ALDH18A1: variants seen among roughly 807,000 people sequenced by gnomAD.
The protein encoded by ALDH18A1 is delta-1-pyrroline-5-carboxylate synthase.
ALDH18A1 carries 44 observed loss-of-function variants against 88.8 expected under a neutral mutation model. That is an observed-to-expected ratio of 0.50 (90% CI 0.39 to 0.64). The LOEUF (loss-of-function observed/expected upper bound fraction) is 0.64, where lower values mean the gene tolerates loss of function less well. Among genes scored for constraint, ALDH18A1 ranks in the 30% least tolerant of loss-of-function variants. The pLI is 0.00. For synonymous variants in ALDH18A1, 331 were observed against 372.1 expected (o/e 0.89, Z 1.27); for missense variants, 782 against 1,009.5 (o/e 0.77, Z 3.05).
In ALDH18A1 at chr10:95,613,723, A is replaced by G; in HGVS notation, c.1923+19T>C. 6.2e-7 allele frequency: 1 copy of G among 1,614,000 alleles called. No individual in the cohort carries two copies. The highest frequency in any genetic ancestry group is 8.5e-7 in the Non-Finnish European group (1 of 1,179,884). Reference sequence around the variant, plus strand: ...CTTCTAAGACAGGAAGTAATGTACTAGTCCTATGGAACTCTTACCTGTTCC... The same window carrying G: ...CTTCTAAGACAGGAAGTAATGTACTGGTCCTATGGAACTCTTACCTGTTCC... On this transcript the variant is annotated intron_variant, in intron 15 of 17. Coordinates refer to ENST00000371224, the MANE Select transcript of ALDH18A1 (RefSeq NM_002860.4).
intron 11 of ALDH18A1, 84 bp from the exon 12 acceptor site, chr10:95,621,335 T>G: frequency 8.0e-7 from 1 of 1,244,222 alleles, no homozygotes; most frequent in South Asian, 1.3e-5. Context: ...TTTTTTTTTT[T>G]TTGAGACAGG....
intron 17 of ALDH18A1, among the ~76,000 whole-genome samples, chr10:95,609,372 C>T (rs1207774533): frequency 8.5e-5 from 13 of 152,210 alleles, no homozygotes; most frequent in South Asian, 2.1e-4. Context: ...CTTAGGCCCA[C>T]GGCACCTTCT....
Position 95,633,506 on chromosome 10 carries a change from G to T in ALDH18A1, c.702C>A (p.Asp234Glu). 1 of 1,614,098 alleles carries T rather than the reference G, an allele frequency of 6.2e-7. No homozygotes were observed. Among genetic ancestry groups the T allele is most frequent in the Non-Finnish European group, 8.5e-7 (1 of 1,180,024 alleles). ...AVVPPAEPNS[D>E]LQGVNVISVK... Reference sequence around the variant, plus strand: ...CTTTACCCACATTTACCCCCTGCAGGTCACTGTTGGGCTCAGCTGGGGGGA... The same window carrying T: ...CTTTACCCACATTTACCCCCTGCAGTTCACTGTTGGGCTCAGCTGGGGGGA... Residue 234 changes from aspartate to glutamate, a missense_variant, in exon 6 of 18, where the codon GAC becomes GAA. Transcript: ENST00000371224.
chr10:95,606,661 A>AC lies in ALDH18A1; in HGVS notation c.*100dup, dbSNP rs2097823282. ...TCCAGGTACACTTTCCAACAGGCAG[A>AC]CCCTACCAGGAACTGGGAGACAAGA... is the stretch of plus-strand genomic sequence containing the variant. On this transcript the variant is annotated 3_prime_UTR_variant, in exon 18 of 18. Transcript: ENST00000371224. 49 of 1,610,154 alleles carry AC rather than the reference A, an allele frequency of 3.0e-5. No individual in the cohort carries two copies. Among genetic ancestry groups the AC allele is most frequent in the Non-Finnish European group, 4.1e-5 (48 of 1,179,596 alleles).
intron 2 of ALDH18A1, among the ~76,000 whole-genome samples, chr10:95,650,305 G>T (rs1412874248): frequency 2.6e-5 from 4 of 152,172 alleles, no homozygotes; most frequent in Non-Finnish European, 5.9e-5. Context: ...ATGAGACTGG[G>T]AGAAAACATT....
At chr10:95,623,162 T>A (rs1361974705) in intron 11 of ALDH18A1, among the ~76,000 whole-genome samples, 1 of 152,098 alleles carries the variant, frequency 6.6e-6, no homozygotes, top group Non-Finnish European at 1.5e-5. Context: ...TTTCCCCATA[T>A]GCTAAAAAAA....
At position 95,606,798 on chromosome 10, in the gene ALDH18A1, A is replaced by G; in HGVS notation, c.2352T>C (p.His784=). ...FSEHGSLKYL[H]ENLPIPQRNT... is the part of the protein sequence containing the mutation. ...TTCTCTGAGGAATAGGGAGGTTCTCATGAAGATATTTTAAACTTCCATGCT... is the reference window on the plus strand; with the variant it reads ...TTCTCTGAGGAATAGGGAGGTTCTCGTGAAGATATTTTAAACTTCCATGCT... Residue 784 remains histidine (H), a synonymous_variant, in exon 18 of 18, where the codon CAT becomes CAC. Transcript: ENST00000371224. 3 of 1,613,988 alleles carry G rather than the reference A, an allele frequency of 1.9e-6. No homozygotes were observed. The highest frequency in any genetic ancestry group is 2.5e-6 in the Non-Finnish European group (3 of 1,179,880).
chr10:95,645,134 G>C (rs914172401), intron 2 of ALDH18A1, among the ~76,000 whole-genome samples: 2 of 152,198 alleles, frequency 1.3e-5, no homozygotes, highest in African/African-American at 2.4e-5. Flanking sequence ...CAATCAGTGG[G>C]GGGTAGAGGA....
chr10:95,612,583 C>A (rs1169819034), intron 15 of ALDH18A1, among the ~76,000 whole-genome samples: 2 of 152,174 alleles, frequency 1.3e-5, no homozygotes, highest in Non-Finnish European at 2.9e-5. Flanking sequence ...GCAAGTCATC[C>A]TTCTAGCTTT....
chr10:95,616,734 A>T, intron 12 of ALDH18A1, 120 bp from the exon 13 acceptor site: 1 of 1,299,464 alleles, frequency 7.7e-7, no homozygotes, highest in South Asian at 1.3e-5. Flanking sequence ...TAGAAGGCCT[A>T]TGCTGTTTCA....
intron 2 of ALDH18A1, among the ~76,000 whole-genome samples, chr10:95,645,257 ATCT>A (rs1697241648): frequency 6.6e-6 from 1 of 152,212 alleles, no homozygotes; most frequent in African/African-American, 2.4e-5. Context: ...ACTTTTCTAT[ATCT>A]CATTACAAGC....
chr10:95,614,240 A>G, intron 13 of ALDH18A1, 79 bp from the exon 14 acceptor site: 1 of 1,434,450 alleles, frequency 7.0e-7, no homozygotes, highest in Admixed American at 1.7e-5. Context: ...CCTTTTACAG[A>G]TAAACATCTG....
intron 17 of ALDH18A1, among the ~76,000 whole-genome samples, chr10:95,609,353 A>T (rs1489357324): frequency 6.6e-6 from 1 of 152,152 alleles, no homozygotes; most frequent in African/African-American, 2.4e-5. Flanking sequence ...GTTTGTTTTG[A>T]TGCTGGTACT....
chr10:95,619,983 C>T (rs2097849692), intron 12 of ALDH18A1, among the ~76,000 whole-genome samples: 1 of 152,102 alleles, frequency 6.6e-6, no homozygotes, highest in Non-Finnish European at 1.5e-5. Flanking sequence ...AAAGAAACTA[C>T]CATGAGAGTG....
At chr10:95,632,230 T>A (rs1461722155) in intron 7 of ALDH18A1, among the ~76,000 whole-genome samples, 1 of 152,128 alleles carries the variant, frequency 6.6e-6, no homozygotes, top group East Asian at 1.9e-4. Flanking sequence ...GGAGTTTGGG[T>A]AGAAGTGGGG....
chr10:95,637,013 A>G lies in ALDH18A1; in HGVS notation c.558+80T>C, dbSNP rs1029630780. On this transcript the variant is annotated intron_variant, in intron 5 of 17. Coordinates refer to ENST00000371224, the MANE Select transcript of ALDH18A1 (RefSeq NM_002860.4). ...GTGATGAAGCTGACACCATATTCCAATAGTCTGGCTCCAGACCCCTTTGTT... is the reference window on the plus strand; with the variant it reads ...GTGATGAAGCTGACACCATATTCCAGTAGTCTGGCTCCAGACCCCTTTGTT... The G allele has an allele frequency of 1.1e-5, 14 of 1,290,066 alleles. No homozygotes were observed. The Admixed American group carries it at 1.1e-4, about 10-fold the overall frequency. The allele number at this position is 1,290,066 out of a possible 1,614,324, so 79.9% of individuals were successfully genotyped here. A position where few individuals can be genotyped will look rare whatever the true frequency, so the allele number is the denominator to read the frequency against.
rs759717025 is a variant in ALDH18A1 at position 95,610,250 on chromosome 10, C to G, written c.2153G>C (p.Cys718Ser). ...GCGAGTGCTGGCATTCCAGAACACACAGGCACTGTCTACGTGCTGCAGGAA... is the reference window on the plus strand; with the variant it reads ...GCGAGTGCTGGCATTCCAGAACACAGAGGCACTGTCTACGTGCTGCAGGAA... ...EFFLQHVDSACVFWNASTRFS... is the reference protein window; with the variant it reads ...EFFLQHVDSASVFWNASTRFS... The change falls in exon 17 of 18, where the codon TGT (cysteine) becomes TCT (serine). Residue 718 changes from cysteine (C) to serine (S), a missense_variant. Cys to Ser is a moderately radical substitution (Grantham distance 112). Transcript: ENST00000371224. The G allele has an allele frequency of 1.4e-5, 23 of 1,614,000 alleles. No homozygotes were observed. Among genetic ancestry groups the G allele is most frequent in the South Asian group, 1.2e-4 (11 of 91,096 alleles).
chr10:95,650,902 G>A (rs2097909376), intron 2 of ALDH18A1, among the ~76,000 whole-genome samples: 1 of 152,170 alleles, frequency 6.6e-6, no homozygotes, highest in Non-Finnish European at 1.5e-5. Flanking sequence ...GGGAGGCTGA[G>A]GTGGGGGGAT....
intron 1 of ALDH18A1, among the ~76,000 whole-genome samples, chr10:95,654,581 T>C (rs1305418198): frequency 3.9e-5 from 6 of 151,912 alleles, no homozygotes; most frequent in Non-Finnish European, 7.4e-5. Context: ...GACTAGCATT[T>C]AGCCCCATAG....
Sources: allele counts gnomAD v4.1 joint callset (sites outside exome capture counted in the v4.1 genomes callset), GRCh38; gene constraint gnomAD v4.1.1; transcripts MANE v1.5; gene names NCBI Gene and HGNC (gene_info 2026-07-23, HGNC 2026-07-21).